The following SLC6A5 variants were observed in gnomAD, a reference collection of about 807,000 sequenced individuals.
The protein encoded by SLC6A5 is solute carrier family 6 member 5.
SLC6A5 carries 58 observed loss-of-function variants against 90.5 expected under a neutral mutation model. The observed-to-expected ratio is 0.64, with a 90% CI of 0.52 to 0.80. The LOEUF (loss-of-function observed/expected upper bound fraction) is 0.80, where lower values mean the gene tolerates loss of function less well. Ranked by LOEUF, SLC6A5 falls within the 30% of genes least tolerant of loss-of-function variation. SLC6A5 has a pLI of 0.00. For synonymous variants in SLC6A5, 427 were observed against 401.4 expected (o/e 1.06, Z -0.76); for missense variants, 1,015 against 1,017.6 (o/e 1.00, Z 0.03).
chr11:20,652,809 C>G (rs144711551), intron 15 of SLC6A5, among the ~76,000 whole-genome samples: 19 of 152,264 alleles, frequency 1.2e-4, no homozygotes, highest in African/African-American at 4.3e-4. Flanking sequence ...ATCAGATTCC[C>G]CCTTCCCTGA....
chr11:20,645,502 G>C (rs546194364), intron 13 of SLC6A5, among the ~76,000 whole-genome samples: 3 of 152,254 alleles, frequency 2.0e-5, no homozygotes, highest in South Asian at 4.1e-4. Flanking sequence ...AGGAGCAAGC[G>C]ACCAAGGTCT....
Position 20,614,687 on chromosome 11 carries a change from G to A in SLC6A5, c.994G>A (p.Val332Ile), listed in dbSNP as rs1442798403. 5.0e-6 allele frequency: 8 copies of A among 1,613,730 alleles called. No homozygotes were observed. Among genetic ancestry groups the A allele is most frequent in the Non-Finnish European group, 5.9e-6 (7 of 1,179,634 alleles). The change falls in exon 6 of 16, where the codon GTT becomes ATT. Residue 332 changes from valine to isoleucine, a missense_variant. Transcript: ENST00000525748. ...DKTKLLLDSC[V>I]ISDHPKIQIK... is the part of the protein sequence containing the mutation. ...TGTCCTCTCCTAAACAGATTCCTGTGTTATCAGTGACCATCCCAAAATACA... is the reference window on the plus strand; with the variant it reads ...TGTCCTCTCCTAAACAGATTCCTGTATTATCAGTGACCATCCCAAAATACA...
intron 3 of SLC6A5, among the ~76,000 whole-genome samples, chr11:20,606,491 T>C (rs10833364): frequency 0.56 from 84,313 of 151,882 alleles, 23,897 homozygotes; most frequent in East Asian, 0.74. Context: ...GGATGGGTAT[T>C]CCCCAATGGC....
intron 9 of SLC6A5, 81 bp downstream of exon 9, chr11:20,628,164 C>A (rs2133800329): frequency 9.1e-7 from 1 of 1,101,764 alleles, no homozygotes; most frequent in Non-Finnish European, 1.4e-6. Context: ...CACCTGAGGC[C>A]ACATCCTCAC....
At chr11:20,648,364 C>A (rs1019291447) in intron 14 of SLC6A5, among the ~76,000 whole-genome samples, 2 of 152,090 alleles carry the variant, frequency 1.3e-5, no homozygotes, top group African/African-American at 4.8e-5. Flanking sequence ...CAATTTCTTT[C>A]TGAAAAGCTA....
chr11:20,655,065 G>T lies in SLC6A5; in HGVS notation c.*197G>T. On this transcript the variant is annotated 3_prime_UTR_variant, in exon 16 of 16. Transcript: ENST00000525748. ...TAAAGAGCTACATAGACCACCTGAAGCGCTGTTTGCCTGTGCCCATGGTGA... is the reference window on the plus strand; with the variant it reads ...TAAAGAGCTACATAGACCACCTGAATCGCTGTTTGCCTGTGCCCATGGTGA... The T allele has an allele frequency of 1.6e-6, 1 of 636,052 alleles. No individual in the cohort carries two copies. The highest frequency in any genetic ancestry group is 2.8e-6 in the Non-Finnish European group (1 of 352,234). 39.4% of individuals were successfully genotyped at this position (636,052 alleles called of 1,614,324 possible).
chr11:20,629,484 T>C (rs1204052517), intron 9 of SLC6A5, among the ~76,000 whole-genome samples: 1 of 152,224 alleles, frequency 6.6e-6, no homozygotes, highest in African/African-American at 2.4e-5. Flanking sequence ...ATTTTTTCTT[T>C]ATACGTTTTT....
rs762782760 is a variant in SLC6A5 at position 20,628,031 on chromosome 11, G to C, written c.1447G>C (p.Gly483Arg). The change falls in exon 9 of 16, where the codon GGA becomes CGA. Residue 483 changes from glycine (G) to arginine (R), a missense_variant. Physicochemically the swap from Gly to Arg is moderately radical, Grantham distance 125. Transcript: ENST00000525748. Reference protein sequence around the residue: ...QIFFSLSAAWGGLITLSSYNK... With the variant: ...QIFFSLSAAWRGLITLSSYNK... The stretch of plus-strand genomic sequence containing the variant: ...TTTCTTCTCTTTATCTGCTGCATGG[G>C]GAGGCCTGATCACTCTCTCTTCTTA... The C allele has an allele frequency of 6.2e-7, 1 of 1,614,108 alleles. No homozygotes were observed. The highest frequency in any genetic ancestry group is 8.5e-7 in the Non-Finnish European group (1 of 1,180,020).
chr11:20,601,499 T>C lies in SLC6A5; in HGVS notation c.374T>C (p.Leu125Pro). The C allele has an allele frequency of 1.1e-5, 17 of 1,613,852 alleles. No homozygotes were observed. The highest frequency in any genetic ancestry group is 1.4e-5 in the Non-Finnish European group (16 of 1,179,890). ...GNALHCKIPF[L>P]RGPEGDANVS... is the part of the protein sequence containing the mutation. The stretch of plus-strand genomic sequence containing the variant: ...GCGCTGCACTGTAAGATCCCTTTTC[T>C]GCGAGGCCCGGAGGGGGATGCGAAC... The change falls in exon 2 of 16, where the codon CTG becomes CCG. Residue 125 changes from leucine to proline, a missense_variant. Leu to Pro is a moderately conservative substitution (Grantham distance 98). Coordinates refer to ENST00000525748, the MANE Select transcript of SLC6A5 (RefSeq NM_004211.5).
chr11:20,599,723 C>G lies in SLC6A5; in HGVS notation c.3+48C>G, dbSNP rs745921886. 2.5e-6 allele frequency: 4 copies of G among 1,610,954 alleles called. No homozygotes were observed. The East Asian group carries it at 8.9e-5, about 36-fold the overall frequency. ...TCAAGAGGAAAGGGGGCTGAGGGGA[C>G]AGGGAAAGCAGATTCGTTTTGGCTA... On this transcript the variant is annotated intron_variant, in intron 1 of 15. Coordinates refer to ENST00000525748, the MANE Select transcript of SLC6A5 (RefSeq NM_004211.5).
At chr11:20,651,088 C>G (rs75842903) in intron 14 of SLC6A5, among the ~76,000 whole-genome samples, 1,544 of 152,254 alleles carry the variant, frequency 0.01, 36 homozygotes, top group African/African-American at 0.035. Context: ...GTGTCTCACT[C>G]AGCCAGCATT....
chr11:20,623,197 A>AGAGAAAAG (rs1385492598), intron 7 of SLC6A5, among the ~76,000 whole-genome samples: 3 of 152,130 alleles, frequency 2.0e-5, no homozygotes, highest in African/African-American at 7.2e-5. Flanking sequence ...GTCACAGTGG[A>AGAGAAAAG]GAGAAAAGGA....
intron 2 of SLC6A5, 111 bp downstream of exon 2, chr11:20,601,776 T>G: frequency 8.7e-7 from 1 of 1,153,960 alleles, no homozygotes; most frequent in Non-Finnish European, 1.2e-6. Flanking sequence ...CGGTTGGCAG[T>G]GCCAGGTGAT....
intron 3 of SLC6A5, 33 bp from the exon 4 acceptor site, chr11:20,606,974 C>G: frequency 1.9e-6 from 3 of 1,613,894 alleles, no homozygotes; most frequent in Non-Finnish European, 2.5e-6. Flanking sequence ...GCTTTTGCCT[C>G]CTAGGGCTCT....
intron 14 of SLC6A5, among the ~76,000 whole-genome samples, chr11:20,651,799 C>T (rs1226476045): frequency 2.0e-5 from 3 of 151,632 alleles, no homozygotes; most frequent in Admixed American, 6.6e-5. Context: ...CCCAGCTATT[C>T]GGGAGGCTGG....
chr11:20,604,213 G>C (rs918519026), intron 2 of SLC6A5, 73 bp from the exon 3 acceptor site: 31 of 1,529,968 alleles, frequency 2.0e-5, no homozygotes, highest in Admixed American at 1.1e-4. Flanking sequence ...CCCCTAGCGG[G>C]GGGGAGGGTG....
At chr11:20,646,336 G>A (rs182639383) in intron 13 of SLC6A5, among the ~76,000 whole-genome samples, 28 of 152,270 alleles carry the variant, frequency 1.8e-4, no homozygotes, top group African/African-American at 5.5e-4. Flanking sequence ...CATCTTGCAC[G>A]GCACAAAGAT....
intron 5 of SLC6A5, among the ~76,000 whole-genome samples, chr11:20,613,492 A>G (rs1333273648): frequency 1.3e-5 from 2 of 152,142 alleles, no homozygotes; most frequent in Admixed American, 1.3e-4. Flanking sequence ...ATAATAATAT[A>G]TACCTCCTGG....
rs770266189 is a variant in SLC6A5 at position 20,607,492 on chromosome 11, G to A, written c.825G>A (p.Ala275=). 8 of 1,614,008 alleles carry A rather than the reference G, an allele frequency of 5.0e-6. No individual in the cohort carries two copies. In the African/African-American group the frequency reaches 5.3e-5, roughly 11 times the overall value. Reference sequence around the variant, plus strand: ...TTGCTTCTGCAGGCTGTGGCATCGCGATGCTGATCATCTCTGTCCTAATAG... The same window carrying A: ...TTGCTTCTGCAGGCTGTGGCATCGCAATGCTGATCATCTCTGTCCTAATAG... ...AIPALQGCGI[A]MLIISVLIAI... Residue 275 remains alanine (A), a synonymous_variant, in exon 5 of 16, where the codon GCG becomes GCA. Transcript: ENST00000525748.
Sources: allele counts gnomAD v4.1 joint callset (sites outside exome capture counted in the v4.1 genomes callset), GRCh38; gene constraint gnomAD v4.1.1; transcripts MANE v1.5; gene names NCBI Gene and HGNC (gene_info 2026-07-23, HGNC 2026-07-21).